SORCS2: variants seen among roughly 807,000 people sequenced by gnomAD.
SORCS2 encodes VPS10 domain-containing receptor SorCS2.
SORCS2 carries 100 observed loss-of-function variants against 141.6 expected under a neutral mutation model. That is an observed-to-expected ratio of 0.71 (90% CI 0.60 to 0.83). SORCS2 has a LOEUF of 0.83. Among genes scored for constraint, SORCS2 ranks in the 40% least tolerant of loss-of-function variants. The pLI is 0.00. For missense variants in SORCS2, 1,646 were observed against 1,560.2 expected, an observed-to-expected ratio of 1.05 and a Z score of -0.93; for synonymous variants, 789 against 676.9, an observed-to-expected ratio of 1.17 and a Z score of -2.57.
chr4:7,472,050 C>T (rs1461990723), intron 2 of SORCS2, among the ~76,000 whole-genome samples: 6 of 152,198 alleles, frequency 3.9e-5, no homozygotes, highest in Admixed American at 3.9e-4. Flanking sequence ...GGGTCTATGC[C>T]TCGGGGATGA....
At chr4:7,215,487 T>C (rs75637695) in intron 1 of SORCS2, among the ~76,000 whole-genome samples, 48,187 of 151,952 alleles carry the variant, frequency 0.32, 8,308 homozygotes, top group Non-Finnish European at 0.39. Context: ...CCCAGTCCCA[T>C]CGACCACCCA....
intron 1 of SORCS2, among the ~76,000 whole-genome samples, chr4:7,319,408 C>T (rs1199003440): frequency 1.3e-5 from 2 of 152,038 alleles, no homozygotes; most frequent in Non-Finnish European, 2.9e-5. Flanking sequence ...CATTTTCCAT[C>T]ACATAAAAGC....
rs1369945704 is a variant in SORCS2, at chr4:7,664,062, C to T, written c.953-291C>T. ...GGGGGCCGTGCATGTCTGGGTGTGG[C>T]GAGGTACCCACCGTCGCCTGTGCTG... On this transcript the variant is annotated intron_variant, in intron 6 of 26. Transcript: ENST00000507866. This position sits in a 1 kb window ranked among gnomAD's most constrained non-coding sequence, Gnocchi z 4.7. Among the ~76,000 whole-genome samples, 1 of 152,114 alleles carries T rather than the reference C, an allele frequency of 6.6e-6. No individual in the cohort carries two copies. Among genetic ancestry groups the T allele is most frequent in the Non-Finnish European group, 1.5e-5 (1 of 68,014 alleles).
intron 14 of SORCS2, among the ~76,000 whole-genome samples, chr4:7,711,877 G>A (rs1384137400): frequency 1.3e-5 from 2 of 152,146 alleles, no homozygotes; most frequent in African/African-American, 4.8e-5. Context: ...AGTCTTCAGG[G>A]AATCCCCAGC....
At chr4:7,601,917 C>T (rs1293922324) in intron 3 of SORCS2, among the ~76,000 whole-genome samples, 7 of 152,162 alleles carry the variant, frequency 4.6e-5, no homozygotes, top group African/African-American at 7.2e-5. Flanking sequence ...CAAAGCACAT[C>T]TTGCACCGCC....
intron 4 of SORCS2, among the ~76,000 whole-genome samples, chr4:7,650,697 T>A (rs1721380010): frequency 6.9e-6 from 1 of 145,260 alleles, no homozygotes; most frequent in African/African-American, 2.6e-5. Context: ...GGTCCCCGCC[T>A]CCCTCTCCAG....
chr4:7,589,466 G>A (rs1479665261), intron 3 of SORCS2, among the ~76,000 whole-genome samples: 6 of 152,062 alleles, frequency 3.9e-5, no homozygotes, highest in Admixed American at 2.6e-4. Context: ...GCAGTGGCAC[G>A]ATCTCGGCTC....
intron 25 of SORCS2, among the ~76,000 whole-genome samples, chr4:7,736,182 C>T (rs1712151722): frequency 6.6e-6 from 1 of 152,234 alleles, no homozygotes; most frequent in Non-Finnish European, 1.5e-5. Flanking sequence ...GCACTGACAA[C>T]CCAGTCAAAG....
intron 1 of SORCS2, among the ~76,000 whole-genome samples, chr4:7,226,694 T>C (rs1024541989): frequency 6.6e-6 from 1 of 152,128 alleles, no homozygotes; most frequent in Non-Finnish European, 1.5e-5. Context: ...GAGGTTAAGA[T>C]GCAGTGGCCC....
Position 7,734,303 on chromosome 4 carries a change from C to A in SORCS2, c.3240C>A (p.Tyr1080Ter). Residue 1080 changes from tyrosine to a stop codon, truncating the protein, a stop_gained, in exon 25 of 27, where the codon TAC becomes TAA. Transcript: ENST00000507866. LOFTEE classifies it high-confidence loss of function. ...GAEQLGGGGG[Y>*]WAVVVLFVIG... is the part of the protein sequence containing the mutation. ...AGCAGCTGGGCGGCGGTGGCGGCTA[C>A]TGGGCGGTAGTGGTGCTGTTTGTCA... 6.2e-7 allele frequency: 1 copy of A among 1,603,784 alleles called. No homozygotes were observed. The highest frequency in any genetic ancestry group is 8.5e-7 in the Non-Finnish European group (1 of 1,176,166).
intron 1 of SORCS2, among the ~76,000 whole-genome samples, chr4:7,379,690 C>T (rs1722870182): frequency 6.6e-6 from 1 of 152,104 alleles, no homozygotes; most frequent in African/African-American, 2.4e-5. Context: ...CCTTCCAGAC[C>T]CTGTGGCTTT....
chr4:7,588,482 A>G (rs1716690796), intron 3 of SORCS2, among the ~76,000 whole-genome samples: 1 of 152,136 alleles, frequency 6.6e-6, no homozygotes, highest in Admixed American at 6.5e-5. Context: ...TGGAGCATTG[A>G]AGGTCAGGGA....
chr4:7,529,614 T>G (rs1030201395), intron 2 of SORCS2, among the ~76,000 whole-genome samples: 1 of 152,078 alleles, frequency 6.6e-6, no homozygotes, highest in East Asian at 1.9e-4. Flanking sequence ...GCGGGATCGA[T>G]AGGCAGGTCT....
intron 2 of SORCS2, among the ~76,000 whole-genome samples, chr4:7,468,662 T>C (rs1405552707): frequency 6.6e-6 from 1 of 152,232 alleles, no homozygotes; most frequent in Non-Finnish European, 1.5e-5. Context: ...CCCAGCTTCA[T>C]CTTGATCACT....
chr4:7,452,448 GTTC>G (rs1728523355), intron 2 of SORCS2, among the ~76,000 whole-genome samples: 2 of 152,178 alleles, frequency 1.3e-5, no homozygotes, highest in South Asian at 4.1e-4. Flanking sequence ...GGCCTGGAAG[GTTC>G]TTCTGTTCCC....
At chr4:7,438,219 G>A (rs571931947) in intron 2 of SORCS2, among the ~76,000 whole-genome samples, 27 of 152,314 alleles carry the variant, frequency 1.8e-4, no homozygotes, top group African/African-American at 6.5e-4. Flanking sequence ...ATCGGGAGCT[G>A]ATGGCAGCTT....
chr4:7,451,020 G>A (rs879429674), intron 2 of SORCS2, among the ~76,000 whole-genome samples: 3 of 150,702 alleles, frequency 2.0e-5, no homozygotes, highest in Non-Finnish European at 4.4e-5. Context: ...GAATGAGGAA[G>A]TGAGGGAATG....
intron 4 of SORCS2, among the ~76,000 whole-genome samples, chr4:7,645,825 C>T (rs540334462): frequency 2.5e-4 from 38 of 152,320 alleles, no homozygotes; most frequent in Middle Eastern, 3.4e-3. Context: ...CGTTTACAAA[C>T]CCAGGTGACA....
intron 17 of SORCS2, among the ~76,000 whole-genome samples, chr4:7,715,703 A>G (rs2109043586): frequency 6.6e-6 from 1 of 152,290 alleles, no homozygotes; most frequent in South Asian, 2.1e-4. Flanking sequence ...GAGCCTCTGC[A>G]GTGCTAGGAC....
Sources: gnomAD v4.1 joint callset for allele counts (sites outside exome capture counted in the v4.1 genomes callset) on GRCh38, gnomAD v4.1.1 for gene constraint, Gnocchi (gnomAD v3.1) non-coding constraint, MANE v1.5 for transcripts, NCBI Gene and HGNC (gene_info 2026-07-23, HGNC 2026-07-21) for gene names.